ACYP2: variants seen among roughly 807,000 people sequenced by gnomAD.
The protein encoded by ACYP2 is acylphosphatase 2.
In ACYP2, 12 loss-of-function variants were observed where a neutral mutation model predicts 11.2. The ratio of observed to expected loss-of-function variants is 1.08; its 90% CI spans 0.69 to 1.74. The LOEUF is 1.74. ACYP2 is among the 40% of genes most tolerant of loss of function. The probability of loss-of-function intolerance (pLI) is 0.00; values close to 1 mark genes in which losing one functional copy is unlikely to be tolerated. For missense variants in ACYP2, 134 were observed against 101.9 expected (o/e 1.31, Z -1.35); for synonymous variants, 43 against 32.2 (o/e 1.33, Z -1.13).
chr2:54,251,656 T>G (rs1274260799), intron 6 of ACYP2, among the ~76,000 whole-genome samples: 2 of 152,218 alleles, frequency 1.3e-5, no homozygotes, highest in Non-Finnish European at 1.5e-5. Flanking sequence ...GCAAAGGCAC[T>G]GACTGCGTGT....
chr2:54,173,028 G>A (rs536431572), intron 6 of ACYP2, among the ~76,000 whole-genome samples: 1 of 152,288 alleles, frequency 6.6e-6, no homozygotes, highest in African/African-American at 2.4e-5. Flanking sequence ...TGTCTTTATA[G>A]CAGCATGTTT....
At chr2:54,005,129 A>T (rs1672998732) in intron 2 of ACYP2, among the ~76,000 whole-genome samples, 1 of 152,022 alleles carries the variant, frequency 6.6e-6, no homozygotes, top group Non-Finnish European at 1.5e-5. Context: ...TTTCTTCAAT[A>T]TTATTTTATA....
intron 4 of ACYP2, among the ~76,000 whole-genome samples, chr2:54,113,226 TTCAGTAGAGA>T (rs1234344846): frequency 1.3e-5 from 2 of 150,820 alleles, no homozygotes; most frequent in Non-Finnish European, 2.9e-5. Context: ...TCTGCATGAG[TTCAGTAGAGA>T]TGACTTTTTT....
intron 4 of ACYP2, among the ~76,000 whole-genome samples, chr2:54,120,015 T>C (rs540475808): frequency 3.2e-4 from 49 of 152,346 alleles, no homozygotes; most frequent in African/African-American, 1.0e-3. Flanking sequence ...TAATGGGGTA[T>C]TGGAAGGAAG....
chr2:53,997,907 G>C (rs1672649485), intron 2 of ACYP2, among the ~76,000 whole-genome samples: 1 of 152,098 alleles, frequency 6.6e-6, no homozygotes, highest in Non-Finnish European at 1.5e-5. Flanking sequence ...TTCTTTCTTA[G>C]GTAAAGACTA....
chr2:54,273,261 G>C (rs77876441), intron 6 of ACYP2, among the ~76,000 whole-genome samples: 2 of 152,252 alleles, frequency 1.3e-5, no homozygotes, highest in South Asian at 4.1e-4. Flanking sequence ...TTATGTTCTC[G>C]TCTGTAATTT....
At chr2:54,249,940 CAAAA>C (rs1015312135) in intron 6 of ACYP2, among the ~76,000 whole-genome samples, 2,887 of 44,312 alleles carry the variant, frequency 0.065, 77 homozygotes, top group African/African-American at 0.17. Flanking sequence ...GACCCTGTCT[CAAAA>C]AAAAAAAAAA....
chr2:54,280,185 T>C (rs1430181112), intron 6 of ACYP2, among the ~76,000 whole-genome samples: 1 of 152,036 alleles, frequency 6.6e-6, no homozygotes, highest in Non-Finnish European at 1.5e-5. Flanking sequence ...GGCAAACAGA[T>C]GAGAACCTGA....
At chr2:54,251,738 C>T (rs578226137) in intron 6 of ACYP2, among the ~76,000 whole-genome samples, 1 of 152,290 alleles carries the variant, frequency 6.6e-6, no homozygotes, top group Non-Finnish European at 1.5e-5. Context: ...TGCTTATAGT[C>T]TTGAAAATAG....
intron 6 of ACYP2, among the ~76,000 whole-genome samples, chr2:54,164,133 A>G (rs1682848602): frequency 6.6e-6 from 1 of 152,164 alleles, no homozygotes; most frequent in South Asian, 2.1e-4. Context: ...AGGGCTTTGG[A>G]GCATGTATAG....
intron 6 of ACYP2, among the ~76,000 whole-genome samples, chr2:54,201,216 C>T (rs909373546): frequency 2.1e-4 from 32 of 152,000 alleles, no homozygotes; most frequent in African/African-American, 7.0e-4. Flanking sequence ...CGCCATTCTC[C>T]TGCCTCAGCT....
chr2:54,168,332 G>T (rs369116453), intron 6 of ACYP2, among the ~76,000 whole-genome samples: 2 of 152,166 alleles, frequency 1.3e-5, no homozygotes, highest in East Asian at 3.9e-4. Flanking sequence ...GAGGCTGAGG[G>T]AGGAGAATCA....
chr2:54,265,592 G>A (rs577151137), intron 6 of ACYP2, among the ~76,000 whole-genome samples: 9 of 152,182 alleles, frequency 5.9e-5, no homozygotes, highest in Non-Finnish European at 1.2e-4. Flanking sequence ...TTATGACTTT[G>A]GGCAAACGCT....
intron 6 of ACYP2, among the ~76,000 whole-genome samples, chr2:54,235,071 T>C (rs957668367): frequency 1.3e-5 from 2 of 152,208 alleles, no homozygotes; most frequent in African/African-American, 4.8e-5. Flanking sequence ...CCATAAACTT[T>C]TTGAAGACCC....
At chr2:54,214,106 ATTCG>A (rs1343778943) in intron 6 of ACYP2, among the ~76,000 whole-genome samples, 2 of 151,914 alleles carry the variant, frequency 1.3e-5, no homozygotes, top group Non-Finnish European at 2.9e-5. Flanking sequence ...TTGCTTGTTA[ATTCG>A]TTTAAGTTCC....
In ACYP2 at chr2:54,182,217, G is replaced by A. The variant is rs181456228; in HGVS notation, c.404+43469G>A. Among the ~76,000 whole-genome samples the A allele has an allele frequency of 5.2e-3, 790 of 151,784 alleles. 7 individuals are homozygous for A. Among genetic ancestry groups the A allele is most frequent in the African/African-American group, 0.018 (758 of 41,374 alleles). On this transcript the variant is annotated intron_variant, in intron 6 of 6. Transcript: ENST00000607452. ...TGGGATTACAGGCGCCCGCCACCACGTCAGTCTAATTTTTGTATTTTTAGT... is the reference window on the plus strand; with the variant it reads ...TGGGATTACAGGCGCCCGCCACCACATCAGTCTAATTTTTGTATTTTTAGT...
At chr2:54,241,684 AT>A (rs1320782630) in intron 6 of ACYP2, among the ~76,000 whole-genome samples, 1 of 152,186 alleles carries the variant, frequency 6.6e-6, no homozygotes, top group Admixed American at 6.5e-5. Context: ...TATCAGATTT[AT>A]TTATCAAATG....
chr2:54,248,882 T>C (rs6727644), intron 6 of ACYP2, among the ~76,000 whole-genome samples: 38,399 of 152,122 alleles, frequency 0.25, 5,126 homozygotes, highest in South Asian at 0.46. Context: ...ATTTAGAAGA[T>C]ACGGCATTTC....
intron 6 of ACYP2, among the ~76,000 whole-genome samples, chr2:54,206,580 C>T (rs1423096531): frequency 2.0e-5 from 3 of 152,174 alleles, no homozygotes; most frequent in Non-Finnish European, 4.4e-5. Context: ...ATAATGTCCT[C>T]GATGATGATA....
Sources: allele counts gnomAD v4.1 joint callset (sites outside exome capture counted in the v4.1 genomes callset), GRCh38; gene constraint gnomAD v4.1.1; transcripts MANE v1.5; gene names NCBI Gene and HGNC (gene_info 2026-07-23, HGNC 2026-07-21).